The following STK24 variants were observed in gnomAD, a reference collection of about 807,000 sequenced individuals.
STK24 encodes serine/threonine-protein kinase 24.
STK24 carries 21 observed loss-of-function variants against 55.6 expected under a neutral mutation model. That is an observed-to-expected ratio of 0.38 (90% confidence interval 0.27 to 0.54). The LOEUF (loss-of-function observed/expected upper bound fraction) is 0.54. Ranked by LOEUF, STK24 falls within the 20% of genes least tolerant of loss-of-function variation. The pLI, the probability that STK24 is intolerant of heterozygous loss-of-function variation, is 0.79. For synonymous variants in STK24, 200 were observed against 215.2 expected, an observed-to-expected ratio of 0.93 and a Z score of 0.62; for missense variants, 383 against 538.4, an observed-to-expected ratio of 0.71 and a Z score of 2.86.
chr13:98,547,098 G>A (rs540914862), intron 1 of STK24, among the ~76,000 whole-genome samples: 20 of 152,184 alleles, frequency 1.3e-4, no homozygotes, highest in African/African-American at 4.1e-4. Flanking sequence ...ATTTTTAGTA[G>A]AGACAGGGTT....
chr13:98,503,024 G>GTTTTTTTTTTTTT (rs398038978), intron 2 of STK24, among the ~76,000 whole-genome samples: 1,620 of 106,774 alleles, frequency 0.015, 201 homozygotes, highest in African/African-American at 0.025. Context: ...CTTTCCATGT[G>GTTTTTTTTTTTTT]TTTTTTTTTT....
At chr13:98,549,839 C>T (rs1192055963) in intron 1 of STK24, among the ~76,000 whole-genome samples, 1 of 152,172 alleles carries the variant, frequency 6.6e-6, no homozygotes, top group Non-Finnish European at 1.5e-5. Flanking sequence ...ACCTAATCAC[C>T]TCCTAAAGGC....
intron 2 of STK24, among the ~76,000 whole-genome samples, chr13:98,503,021 T>C (rs1396613627): frequency 8.7e-6 from 1 of 114,296 alleles, no homozygotes; most frequent in African/African-American, 2.9e-5. Context: ...ATACTTTCCA[T>C]GTGTTTTTTT....
intron 1 of STK24, among the ~76,000 whole-genome samples, chr13:98,556,627 C>G (rs1194064714): frequency 6.6e-6 from 1 of 152,164 alleles, no homozygotes; most frequent in Non-Finnish European, 1.5e-5. Context: ...CACATCAAAC[C>G]AGGGATGGTA....
At chr13:98,542,670 C>T (rs1594655861) in intron 1 of STK24, among the ~76,000 whole-genome samples, 2 of 151,966 alleles carry the variant, frequency 1.3e-5, no homozygotes, top group South Asian at 4.1e-4. Context: ...AATAAATGCT[C>T]GGGTTTCCCG....
chr13:98,514,422 T>C (rs951906977), intron 2 of STK24, among the ~76,000 whole-genome samples: 2 of 152,250 alleles, frequency 1.3e-5, no homozygotes, highest in East Asian at 1.9e-4. Flanking sequence ...AGTGAGATTA[T>C]GAACCTGTAA....
rs201275992 is a variant in STK24, at chr13:98,448,351, T to G, written c.*4822A>C. ...CACACTCGTTTCCGCAGTGGCTGCTTTCCTGGAAGACGTTTCCTTTCTTCT... is the reference window on the plus strand; with the variant it reads ...CACACTCGTTTCCGCAGTGGCTGCTGTCCTGGAAGACGTTTCCTTTCTTCT... On this transcript the variant is annotated 3_prime_UTR_variant, in exon 11 of 11. Coordinates refer to ENST00000539966, the MANE Select transcript of STK24 (RefSeq NM_001032296.4). The G allele has an allele frequency of 7.4e-6, 11 of 1,496,144 alleles. No individual in the cohort carries two copies. The East Asian group carries it at 2.3e-4, about 31-fold the overall frequency. The allele number at this position is 1,496,144 out of a possible 1,614,324, so 92.7% of individuals were successfully genotyped here.
At position 98,449,436 on chromosome 13, in the gene STK24, C is replaced by G. The variant is rs1313936732; in HGVS notation, c.*3737G>C. ...CCTACTCGGGAAACGTCTGCCTGTT[C>G]TCGATGGTGATGGGGTGGCTGCCAT... On this transcript the variant is annotated 3_prime_UTR_variant, in exon 11 of 11. Coordinates refer to ENST00000539966, the MANE Select transcript of STK24 (RefSeq NM_001032296.4). The G allele has an allele frequency of 6.6e-6, 1 of 152,192 alleles. No individual in the cohort carries two copies. The highest frequency in any genetic ancestry group is 2.4e-5 in the African/African-American group (1 of 41,430). The allele number at this position is 152,192 out of a possible 1,614,324, so 9.4% of individuals were successfully genotyped here.
intron 1 of STK24, among the ~76,000 whole-genome samples, chr13:98,543,583 T>A (rs1388662403): frequency 6.6e-6 from 1 of 151,726 alleles, no homozygotes; most frequent in African/African-American, 2.4e-5. Flanking sequence ...AAGACGCGGG[T>A]CTGATCGCTG....
chr13:98,468,542 C>T (rs1020636702), intron 5 of STK24, among the ~76,000 whole-genome samples: 1 of 152,160 alleles, frequency 6.6e-6, no homozygotes. Flanking sequence ...GAGGCAAGAA[C>T]AGAGGTGGCA....
intron 1 of STK24, among the ~76,000 whole-genome samples, chr13:98,551,069 A>G (rs113835717): frequency 0.016 from 2,374 of 152,018 alleles, 59 homozygotes; most frequent in African/African-American, 0.049. Flanking sequence ...GGTGGATCAC[A>G]AGGTCAGGAG....
At chr13:98,538,863 C>A (rs1454201953) in intron 1 of STK24, among the ~76,000 whole-genome samples, 1 of 152,220 alleles carries the variant, frequency 6.6e-6, no homozygotes, top group African/African-American at 2.4e-5. Context: ...GAGGCCCAAA[C>A]AGGTGAAAAT....
chr13:98,512,041 T>C (rs1428403541), intron 2 of STK24, among the ~76,000 whole-genome samples: 1 of 151,970 alleles, frequency 6.6e-6, no homozygotes, highest in Non-Finnish European at 1.5e-5. Context: ...CGTGCCACCA[T>C]GCCTGGCTAA....
chr13:98,517,474 A>G (rs1198703856), intron 2 of STK24, among the ~76,000 whole-genome samples: 1 of 152,078 alleles, frequency 6.6e-6, no homozygotes, highest in East Asian at 1.9e-4. Flanking sequence ...AAAAATACAA[A>G]AATTAGCCGG....
intron 3 of STK24, among the ~76,000 whole-genome samples, chr13:98,477,463 G>A (rs1489862125): frequency 3.3e-5 from 5 of 151,968 alleles, no homozygotes; most frequent in Admixed American, 1.3e-4. Context: ...CCTTGAGGTC[G>A]GGAGTTCGAG....
intron 1 of STK24, among the ~76,000 whole-genome samples, chr13:98,526,759 A>C (rs1566386986): frequency 6.6e-6 from 1 of 152,198 alleles, no homozygotes; most frequent in Non-Finnish European, 1.5e-5. Flanking sequence ...ACCGCTTGTC[A>C]GCTCCTGGCC....
chr13:98,541,309 C>T (rs1354741354), intron 1 of STK24, among the ~76,000 whole-genome samples: 1 of 152,146 alleles, frequency 6.6e-6, no homozygotes, highest in Non-Finnish European at 1.5e-5. Context: ...CATTATTGGG[C>T]CCGAGAAATA....
chr13:98,482,996 T>G (rs1894656991), intron 2 of STK24, among the ~76,000 whole-genome samples: 1 of 152,232 alleles, frequency 6.6e-6, no homozygotes, highest in Non-Finnish European at 1.5e-5. Context: ...TCCCCAGCTC[T>G]GCGCCTGCCT....
chr13:98,566,088 C>G (rs887748083), intron 1 of STK24, among the ~76,000 whole-genome samples: 1 of 152,192 alleles, frequency 6.6e-6, no homozygotes, highest in African/African-American at 2.4e-5. Context: ...CCACAAGGAC[C>G]CACACCGCCA....
Sources: allele counts gnomAD v4.1 joint callset (sites outside exome capture counted in the v4.1 genomes callset), GRCh38; gene constraint gnomAD v4.1.1; transcripts MANE v1.5; gene names NCBI Gene and HGNC (gene_info 2026-07-23, HGNC 2026-07-21).